SLC9A8: variants seen among roughly 807,000 people sequenced by gnomAD.
SLC9A8 encodes solute carrier family 9 member A8, also known as sodium/hydrogen exchanger 8.
Under a neutral mutation model 66.6 loss-of-function variants are expected in SLC9A8, and 48 were observed. The observed-to-expected ratio is 0.72, with a 90% CI of 0.57 to 0.92. The LOEUF (loss-of-function observed/expected upper bound fraction) is 0.92. SLC9A8 is among the 40% of genes least tolerant of loss of function. The pLI, the probability that SLC9A8 is intolerant of heterozygous loss-of-function variation, is 0.00. For missense variants in SLC9A8, 599 were observed against 747.3 expected, an observed-to-expected ratio of 0.80 and a Z score of 2.31; for synonymous variants, 274 against 282.6, an observed-to-expected ratio of 0.97 and a Z score of 0.31.
chr20:49,883,380 G>A (rs1466970550), intron 13 of SLC9A8, among the ~76,000 whole-genome samples: 1 of 152,146 alleles, frequency 6.6e-6, no homozygotes, highest in Non-Finnish European at 1.5e-5. Context: ...GCCCTGGGCG[G>A]GCCATGCTGC....
At position 49,884,278 on chromosome 20, in the gene SLC9A8, C is replaced by CACACG. The variant is rs1568884024; in HGVS notation, c.1491+216_1491+217insGACAC. ...ACACACGACACACACACACACGACA[C>CACACG]ACACACACACGACACACACACACAC... On this transcript the variant is annotated intron_variant, in intron 14 of 15. Transcript: ENST00000361573. 5.6e-4 allele frequency: 110 copies of CACACG among 196,236 alleles called. 5 individuals are homozygous for CACACG. Among genetic ancestry groups the CACACG allele is most frequent in the East Asian group, 2.5e-3 (19 of 7,578 alleles). The allele number at this position is 196,236 out of a possible 1,614,324, so 12.2% of individuals were successfully genotyped here.
intron 2 of SLC9A8, among the ~76,000 whole-genome samples, chr20:49,816,361 G>T (rs1048348952): frequency 6.6e-6 from 1 of 151,852 alleles, no homozygotes; most frequent in African/African-American, 2.4e-5. Context: ...CGGAGGCTGC[G>T]GTGAGCCAAG....
intron 3 of SLC9A8, among the ~76,000 whole-genome samples, chr20:49,833,661 G>A (rs1477204317): frequency 6.6e-6 from 1 of 152,130 alleles, no homozygotes; most frequent in Non-Finnish European, 1.5e-5. Flanking sequence ...GGATGCACCC[G>A]AGCCAACGGG....
In SLC9A8 at chr20:49,817,468, T is replaced by A. The variant is rs1006571096; in HGVS notation, c.208+2279T>A. ...AAGGTGCAACTGTTTTTTTTTTTTT[T>A]TTTATTTCTCTGATGTGTATTAGGA... On this transcript the variant is annotated intron_variant, in intron 2 of 15. Transcript: ENST00000361573. 6.6e-5 allele frequency among the ~76,000 whole-genome samples: 10 copies of A among 152,148 alleles called. No homozygotes were observed. The South Asian group carries it at 1.2e-3, about 19-fold the overall frequency.
At chr20:49,862,845 TAAGC>T in intron 8 of SLC9A8, 80 bp from the exon 9 acceptor site, 1 of 1,121,370 alleles carries the variant, frequency 8.9e-7, no homozygotes, top group Admixed American at 2.5e-5. Flanking sequence ...AATGAGCGAA[TAAGC>T]AAGAAATGTT....
Position 49,813,034 on chromosome 20 carries a change from C to T in SLC9A8, c.26+86C>T, listed in dbSNP as rs1600605232. Reference sequence around the variant, plus strand: ...GAGCGCCTCAGGCCGCCCTCCGGCCCCGGAAGGCGGAGCTTCTTTTGCTGG... The same window carrying T: ...GAGCGCCTCAGGCCGCCCTCCGGCCTCGGAAGGCGGAGCTTCTTTTGCTGG... On this transcript the variant is annotated intron_variant, in intron 1 of 15. Coordinates refer to ENST00000361573, the MANE Select transcript of SLC9A8 (RefSeq NM_015266.3). 11 of 1,217,494 alleles carry T rather than the reference C, an allele frequency of 9.0e-6. No homozygotes were observed. In the East Asian group the frequency reaches 3.5e-4, roughly 39 times the overall value. 75.4% of individuals were successfully genotyped at this position (1,217,494 alleles called of 1,614,324 possible). A position where few individuals can be genotyped will look rare whatever the true frequency, so the allele number is the denominator to read the frequency against.
Position 49,863,014 on chromosome 20 carries a change from A to G in SLC9A8, c.799A>G (p.Met267Val). 1 of 1,613,952 alleles carries G rather than the reference A, an allele frequency of 6.2e-7. No individual in the cohort carries two copies. Among genetic ancestry groups the G allele is most frequent in the Non-Finnish European group, 8.5e-7 (1 of 1,179,888 alleles). Residue 267 changes from methionine to valine, a missense_variant, in exon 9 of 16, where the codon ATG (methionine) becomes GTG (valine). Met to Val is a conservative substitution (Grantham distance 21). This residue lies in a region of SLC9A8 where 467 missense variants were observed against 626.5 expected (regional missense o/e 0.75). Coordinates refer to ENST00000361573, the MANE Select transcript of SLC9A8 (RefSeq NM_015266.3). ...FLQALDYFLK[M>V]FFGSAALGTL... is the part of the protein sequence containing the mutation. ...ACAAGCCCTTGACTACTTCCTCAAA[A>G]TGTTCTTTGGCTCTGCAGCGCTCGG...
chr20:49,884,297 C>CGAG (rs11472349), intron 14 of SLC9A8: 67 of 317,410 alleles, frequency 2.1e-4, no homozygotes, highest in South Asian at 4.0e-4. Context: ...ACGACACACA[C>CGAG]ACACACACAC....
intron 3 of SLC9A8, among the ~76,000 whole-genome samples, chr20:49,833,121 G>C (rs1451149535): frequency 6.6e-6 from 1 of 152,124 alleles, no homozygotes. Flanking sequence ...GGCCAGGCTG[G>C]TCTCGAACTC....
chr20:49,846,211 TC>T (rs1482628003), intron 5 of SLC9A8, among the ~76,000 whole-genome samples: 1 of 152,154 alleles, frequency 6.6e-6, no homozygotes, highest in African/African-American at 2.4e-5. Context: ...CATGGTTTTT[TC>T]CTTGTCTGTG....
intron 8 of SLC9A8, among the ~76,000 whole-genome samples, chr20:49,859,153 G>T (rs1235923614): frequency 6.6e-6 from 1 of 152,182 alleles, no homozygotes; most frequent in Non-Finnish European, 1.5e-5. Flanking sequence ...CACTGCCACT[G>T]CTGAGACCCA....
intron 10 of SLC9A8, among the ~76,000 whole-genome samples, chr20:49,869,415 G>C (rs1425709027): frequency 6.6e-6 from 1 of 151,534 alleles, no homozygotes; most frequent in Non-Finnish European, 1.5e-5. Flanking sequence ...GTAGAGACAG[G>C]GTTTCACCAT....
At chr20:49,860,140 G>T (rs920700911) in intron 8 of SLC9A8, among the ~76,000 whole-genome samples, 1 of 152,172 alleles carries the variant, frequency 6.6e-6, no homozygotes, top group African/African-American at 2.4e-5. Context: ...TGGGAACTAT[G>T]GGTGATCATG....
At chr20:49,828,631 G>C (rs953236648) in intron 3 of SLC9A8, among the ~76,000 whole-genome samples, 10 of 150,960 alleles carry the variant, frequency 6.6e-5, no homozygotes, top group Admixed American at 5.9e-4. Flanking sequence ...TTGAGGTCAG[G>C]AGTTTGAAAC....
Position 49,823,146 on chromosome 20 carries a change from G to C in SLC9A8, c.289+5G>C. On this transcript the variant is annotated splice_donor_5th_base_variant and intron_variant, in intron 3 of 15. Coordinates refer to ENST00000361573, the MANE Select transcript of SLC9A8 (RefSeq NM_015266.3). ...GTGTTGCTGTTGTTTCTTTAGGTAA[G>C]TGTGTATTGGTGATTCCATAATAAA... The C allele has an allele frequency of 6.2e-7, 1 of 1,600,232 alleles. No homozygotes were observed. Among genetic ancestry groups the C allele is most frequent in the East Asian group, 2.2e-5 (1 of 44,792 alleles).
chr20:49,870,272 A>C (rs1235562793), intron 10 of SLC9A8, among the ~76,000 whole-genome samples: 2 of 152,252 alleles, frequency 1.3e-5, no homozygotes, highest in Non-Finnish European at 2.9e-5. Context: ...CCCATACAAC[A>C]ATTCCAGGTG....
intron 6 of SLC9A8, 185 bp from the exon 7 acceptor site, chr20:49,850,625 T>C: frequency 1.6e-6 from 1 of 612,062 alleles, no homozygotes; most frequent in Non-Finnish European, 2.8e-6. Flanking sequence ...CATACTCTCG[T>C]TGCATGCCGA....
intron 4 of SLC9A8, among the ~76,000 whole-genome samples, chr20:49,841,683 C>A (rs948106242): frequency 6.6e-6 from 1 of 152,116 alleles, no homozygotes; most frequent in Admixed American, 6.5e-5. Flanking sequence ...CTCTGCCTCC[C>A]GGGTTCAAGT....
chr20:49,823,008 C>G, intron 2 of SLC9A8, 53 bp from the exon 3 acceptor site: 1 of 1,431,746 alleles, frequency 7.0e-7, no homozygotes, highest in Non-Finnish European at 9.8e-7. Context: ...TGGTGTTTAT[C>G]ATTCAGAATT....
Sources: allele counts gnomAD v4.1 joint callset (sites outside exome capture counted in the v4.1 genomes callset), GRCh38; gene constraint gnomAD v4.1.1; regional missense constraint gnomAD v4.1.1; transcripts MANE v1.5; gene names NCBI Gene and HGNC (gene_info 2026-07-23, HGNC 2026-07-21).